The following CAPN8 variants were observed in gnomAD, a reference collection of about 807,000 sequenced individuals.
CAPN8 encodes the protein calpain-8.
A neutral mutation model predicts 80.9 loss-of-function variants in CAPN8; 87 were observed. The ratio of observed to expected loss-of-function variants is 1.07; its 90% CI spans 0.90 to 1.28. The LOEUF (loss-of-function observed/expected upper bound fraction) is 1.28, where lower values mean the gene tolerates loss of function less well. Among genes scored for constraint, CAPN8 ranks in the 50% most tolerant of loss-of-function variants. CAPN8 has a pLI of 0.00. For missense variants in CAPN8, 757 were observed against 702.0 expected (o/e 1.08, Z -0.89); for synonymous variants, 299 against 273.8 (o/e 1.09, Z -0.91).
At chr1:223,555,424 C>T (rs879017285) in intron 13 of CAPN8, among the ~76,000 whole-genome samples, 96,243 of 152,154 alleles carry the variant, frequency 0.63, 31,442 homozygotes, top group Non-Finnish European at 0.72. Flanking sequence ...AGGATATTAA[C>T]GCCTACCATG....
intron 2 of CAPN8, chr1:223,643,996 T>C: frequency 5.4e-6 from 1 of 185,514 alleles, no homozygotes; most frequent in South Asian, 1.1e-4. Flanking sequence ...TATTGTCATC[T>C]TGTAATAACA....
At chr1:223,650,845 C>T (rs114662343) in intron 2 of CAPN8, among the ~76,000 whole-genome samples, 5 of 152,248 alleles carry the variant, frequency 3.3e-5, no homozygotes, top group African/African-American at 1.2e-4. Flanking sequence ...GAAATGGATG[C>T]TATATTCATT....
chr1:223,555,119 T>C (rs887594829), intron 13 of CAPN8, among the ~76,000 whole-genome samples: 11 of 152,408 alleles, frequency 7.2e-5, no homozygotes, highest in Non-Finnish European at 1.0e-4. Flanking sequence ...GTTGAGTACT[T>C]ACTACCTGTC....
In CAPN8 at chr1:223,625,398, G is replaced by A. The variant is rs1657539546; in HGVS notation, c.813+407C>T. On this transcript the variant is annotated intron_variant, in intron 6 of 20. Coordinates refer to ENST00000366872, the MANE Select transcript of CAPN8 (RefSeq NM_001143962.2). ...AGCAAAAGCTCAGAGAGGTTACGTT[G>A]TCCATCTTCAAGTGAGTAAGAGTCA... Among the ~76,000 whole-genome samples, 2 of 152,172 alleles carry A rather than the reference G, an allele frequency of 1.3e-5. 1 individual carries two copies. Among genetic ancestry groups the A allele is most frequent in the Admixed American group, 1.3e-4 (2 of 15,278 alleles).
chr1:223,616,748 T>A (rs1657202145), intron 9 of CAPN8: 1 of 153,178 alleles, frequency 6.5e-6, no homozygotes, highest in Admixed American at 6.5e-5. Context: ...CTGCTGTCCA[T>A]CACCCCAGGG....
chr1:223,640,303 G>C (rs1450492052), intron 2 of CAPN8, among the ~76,000 whole-genome samples: 1 of 152,166 alleles, frequency 6.6e-6, no homozygotes, highest in Non-Finnish European at 1.5e-5. Context: ...ATTATTCACT[G>C]TTATCCCCCA....
intron 1 of CAPN8, among the ~76,000 whole-genome samples, chr1:223,660,865 C>T (rs10915937): frequency 0.22 from 33,179 of 152,130 alleles, 3,693 homozygotes; most frequent in South Asian, 0.27. Flanking sequence ...GCAAACGACA[C>T]AATTAAAAAT....
intron 2 of CAPN8, among the ~76,000 whole-genome samples, chr1:223,653,421 T>C (rs576977217): frequency 6.6e-6 from 1 of 151,878 alleles, no homozygotes; most frequent in East Asian, 1.9e-4. Context: ...TTGGCTGCAA[T>C]AAGAAAGAAT....
intron 13 of CAPN8, 88 bp downstream of exon 13, chr1:223,558,043 T>C (rs2102695356): frequency 5.0e-6 from 2 of 398,250 alleles, no homozygotes; most frequent in East Asian, 7.1e-5. Context: ...TCATCCTTAA[T>C]ACATAAAGAT....
At chr1:223,625,231 C>T (rs61825183) in intron 6 of CAPN8, among the ~76,000 whole-genome samples, 79,791 of 151,648 alleles carry the variant, frequency 0.53, 21,656 homozygotes, top group African/African-American at 0.64. Flanking sequence ...TGCCCCTTTT[C>T]CTGTTTTGGG....
intron 14 of CAPN8, among the ~76,000 whole-genome samples, chr1:223,553,283 C>T (rs1353156586): frequency 2.6e-5 from 4 of 152,170 alleles, no homozygotes; most frequent in Non-Finnish European, 5.9e-5. Flanking sequence ...TCAGGGGTCG[C>T]TTCTTTCTCT....
At chr1:223,643,895 A>C (rs1014273745) in intron 2 of CAPN8, among the ~76,000 whole-genome samples, 2 of 152,218 alleles carry the variant, frequency 1.3e-5, no homozygotes, top group African/African-American at 4.8e-5. Context: ...CAGCGCGTAC[A>C]GTACTGGCCA....
chr1:223,628,093 G>A lies in CAPN8; in HGVS notation c.476C>T (p.Pro159Leu). Reference sequence around the variant, plus strand: ...GAAGAGCAGCTGTCCATTCTTGGTGGGCAGCCTGTCGTCAATGACCACCTC... The same window carrying A: ...GAAGAGCAGCTGTCCATTCTTGGTGAGCAGCCTGTCGTCAATGACCACCTC... ...WVEVVIDDRL[P>L]TKNGQLLFLH... The change falls in exon 4 of 21, where the codon CCC (proline) becomes CTC (leucine). Residue 159 changes from proline (P) to leucine (L), a missense_variant. Pro to Leu is a moderately conservative substitution (Grantham distance 98). Transcript: ENST00000366872. The A allele has an allele frequency of 6.4e-7, 1 of 1,551,244 alleles. No homozygotes were observed. The highest frequency in any genetic ancestry group is 8.7e-7 in the Non-Finnish European group (1 of 1,146,838).
At chr1:223,623,786 G>T (rs183347147) in intron 6 of CAPN8, among the ~76,000 whole-genome samples, 2 of 152,068 alleles carry the variant, frequency 1.3e-5, no homozygotes, top group African/African-American at 4.8e-5. Flanking sequence ...ATGAGGTCAG[G>T]AGATCAAGAC....
At chr1:223,619,881 C>T (rs1336761757) in intron 8 of CAPN8, among the ~76,000 whole-genome samples, 1 of 152,120 alleles carries the variant, frequency 6.6e-6, no homozygotes, top group Non-Finnish European at 1.5e-5. Flanking sequence ...GGAAGTTCTC[C>T]CATATTGATG....
At chr1:223,657,722 C>T (rs559931740) in intron 1 of CAPN8, among the ~76,000 whole-genome samples, 142 of 152,230 alleles carry the variant, frequency 9.3e-4, no homozygotes, top group African/African-American at 2.2e-3. Context: ...GCCAAGATTG[C>T]GCCACTGCAC....
In CAPN8 at chr1:223,549,278, A is replaced by G. The variant is rs1458323666; in HGVS notation, c.1764+40T>C. On this transcript the variant is annotated intron_variant, in intron 16 of 20. Transcript: ENST00000366872. ...TGGAGGAGTCTTTAAAAACCGGACG[A>G]AAGTAAAAAAAAAAAAATAATGCAA... 4.6e-6 allele frequency: 7 copies of G among 1,525,750 alleles called. No individual in the cohort carries two copies. In the Middle Eastern group the frequency reaches 6.8e-4, roughly 149 times the overall value. 94.5% of individuals were successfully genotyped at this position (1,525,750 alleles called of 1,614,324 possible).
chr1:223,650,799 TG>T (rs1387536295), intron 2 of CAPN8, among the ~76,000 whole-genome samples: 1 of 152,160 alleles, frequency 6.6e-6, no homozygotes, highest in Non-Finnish European at 1.5e-5. Flanking sequence ...GGTTGATATA[TG>T]GGTATGACTT....
At position 223,665,408 on chromosome 1, in the gene CAPN8, A is replaced by G. The variant is rs1658759147; in HGVS notation, c.237+2T>C. ...CACTCAACAGCAAGCCCGCTTCCTT[A>G]CCGTGGGCCGCTTCCAGATGATGCC... On this transcript the variant is annotated splice_donor_variant, in intron 1 of 20. Transcript: ENST00000366872. LOFTEE classifies it high-confidence loss of function. The G allele has an allele frequency of 6.5e-7, 1 of 1,550,050 alleles. No individual in the cohort carries two copies. Among genetic ancestry groups the G allele is most frequent in the Non-Finnish European group, 8.7e-7 (1 of 1,145,370 alleles).
Sources: allele counts gnomAD v4.1 joint callset (sites outside exome capture counted in the v4.1 genomes callset), GRCh38; gene constraint gnomAD v4.1.1; transcripts MANE v1.5; gene names NCBI Gene and HGNC (gene_info 2026-07-23, HGNC 2026-07-21).